RBM20: variants seen among roughly 807,000 people sequenced by gnomAD.
RBM20 encodes the protein RNA-binding protein 20.
Under a neutral mutation model 110.1 loss-of-function variants are expected in RBM20, and 51 were observed. The observed-to-expected ratio is 0.46, with a 90% CI of 0.37 to 0.59. The LOEUF is 0.59. Ranked by LOEUF, RBM20 falls within the 20% of genes least tolerant of loss-of-function variation. RBM20 has a pLI of 0.00. For missense variants in RBM20, 1,512 were observed against 1,574.9 expected (o/e 0.96, Z 0.68); for synonymous variants, 589 against 618.2 (o/e 0.95, Z 0.70).
At chr10:110,754,792 C>T (rs1044941603) in intron 1 of RBM20, among the ~76,000 whole-genome samples, 3 of 152,200 alleles carry the variant, frequency 2.0e-5, no homozygotes, top group Non-Finnish European at 2.9e-5. Context: ...ACTGAGTTTG[C>T]ATCTGAAGTG....
intron 5 of RBM20, among the ~76,000 whole-genome samples, chr10:110,786,639 A>T (rs1844422608): frequency 6.6e-6 from 1 of 152,262 alleles, no homozygotes; most frequent in Non-Finnish European, 1.5e-5. Context: ...GCTTCGGGTC[A>T]GTCCCAGGAG....
chr10:110,701,250 T>A (rs547226106), intron 1 of RBM20, among the ~76,000 whole-genome samples: 1 of 152,198 alleles, frequency 6.6e-6, no homozygotes, highest in Non-Finnish European at 1.5e-5. Flanking sequence ...GTGAAGAATT[T>A]TTTTTTTTCC....
rs114188829 is a variant in RBM20 at position 110,682,934 on chromosome 10, T to C, written c.191+38289T>C. On this transcript the variant is annotated intron_variant, in intron 1 of 13. Coordinates refer to ENST00000369519, the MANE Select transcript of RBM20 (RefSeq NM_001134363.3). ...CTTCTCCATTTATTATTTGGAATTC[T>C]TCTGTAAGGAAGAGCTGTTGTTCCT... is the stretch of plus-strand genomic sequence containing the variant. Among the ~76,000 whole-genome samples, 757 of 152,348 alleles carry C rather than the reference T, an allele frequency of 5.0e-3. 5 individuals carry two copies. Among genetic ancestry groups the C allele is most frequent in the African/African-American group, 0.017 (722 of 41,574 alleles).
intron 9 of RBM20, among the ~76,000 whole-genome samples, chr10:110,816,460 C>G (rs1844841912): frequency 6.6e-6 from 1 of 151,828 alleles, no homozygotes; most frequent in African/African-American, 2.4e-5. Context: ...TCCCCTCCCT[C>G]TCGTCACTGC....
chr10:110,687,096 C>A (rs1450070651), intron 1 of RBM20, among the ~76,000 whole-genome samples: 4 of 151,412 alleles, frequency 2.6e-5, no homozygotes, highest in Non-Finnish European at 4.4e-5. Flanking sequence ...CAGTGCTTTT[C>A]TAGTACTGTC....
chr10:110,827,893 T>C (rs1845002076), intron 12 of RBM20: 1 of 152,106 alleles, frequency 6.6e-6, no homozygotes, highest in Admixed American at 6.5e-5. Context: ...ATGGAAAGCA[T>C]AGAGCTGAAA....
intron 1 of RBM20, among the ~76,000 whole-genome samples, chr10:110,649,231 AT>A (rs1861912751): frequency 6.7e-6 from 1 of 149,534 alleles, no homozygotes; most frequent in Non-Finnish European, 1.5e-5. Flanking sequence ...TTTCCTTCTG[AT>A]TTATTTATTT....
intron 1 of RBM20, among the ~76,000 whole-genome samples, chr10:110,652,075 C>T (rs1317340034): frequency 6.6e-6 from 1 of 152,174 alleles, no homozygotes; most frequent in Non-Finnish European, 1.5e-5. Context: ...TTAGAAACCA[C>T]TTAAATGTTT....
chr10:110,674,705 A>G (rs1862312464), intron 1 of RBM20, among the ~76,000 whole-genome samples: 1 of 152,252 alleles, frequency 6.6e-6, no homozygotes, highest in African/African-American at 2.4e-5. Context: ...CTTCAAGATC[A>G]CATACAAGGT....
chr10:110,648,770 C>T (rs150202594), intron 1 of RBM20, among the ~76,000 whole-genome samples: 1 of 152,116 alleles, frequency 6.6e-6, no homozygotes, highest in African/African-American at 2.4e-5. Flanking sequence ...ATCTAGAAAG[C>T]TTTCCAAAGT....
chr10:110,657,662 C>G (rs1391960764), intron 1 of RBM20, among the ~76,000 whole-genome samples: 1 of 152,096 alleles, frequency 6.6e-6, no homozygotes, highest in Non-Finnish European at 1.5e-5. Flanking sequence ...AAACTTTGGG[C>G]CTTTTACTTT....
intron 12 of RBM20, among the ~76,000 whole-genome samples, chr10:110,825,980 T>G (rs10159788): frequency 0.017 from 2,533 of 152,356 alleles, 72 homozygotes; most frequent in African/African-American, 0.058. Flanking sequence ...TGTTCTCTGC[T>G]GCCTTTCAGA....
At chr10:110,685,736 G>C (rs1297522759) in intron 1 of RBM20, among the ~76,000 whole-genome samples, 1 of 151,562 alleles carries the variant, frequency 6.6e-6, no homozygotes, top group Non-Finnish European at 1.5e-5. Context: ...AATTGAGGTA[G>C]CCTTGGGCGG....
intron 1 of RBM20, among the ~76,000 whole-genome samples, chr10:110,719,845 C>T (rs1359294149): frequency 6.6e-6 from 1 of 152,176 alleles, no homozygotes; most frequent in Non-Finnish European, 1.5e-5. Context: ...CATTCCTCCT[C>T]CTTCTCCCAC....
chr10:110,682,540 G>T (rs1045391800), intron 1 of RBM20, among the ~76,000 whole-genome samples: 2 of 152,150 alleles, frequency 1.3e-5, no homozygotes, highest in African/African-American at 2.4e-5. Flanking sequence ...ACGGGCAAAG[G>T]TTCACATTTG....
intron 1 of RBM20, among the ~76,000 whole-genome samples, chr10:110,664,227 C>A (rs1232377622): frequency 6.6e-6 from 1 of 152,048 alleles, no homozygotes; most frequent in Non-Finnish European, 1.5e-5. Flanking sequence ...AATGTTGATT[C>A]CAGGCCTGGG....
At chr10:110,829,569 C>G (rs538700026) in intron 12 of RBM20, among the ~76,000 whole-genome samples, 1 of 152,310 alleles carries the variant, frequency 6.6e-6, no homozygotes, top group East Asian at 1.9e-4. Flanking sequence ...CCTCCCATCT[C>G]CCTCCCTCAG....
intron 7 of RBM20, among the ~76,000 whole-genome samples, chr10:110,807,687 C>G (rs556374985): frequency 2.0e-5 from 3 of 152,206 alleles, no homozygotes; most frequent in African/African-American, 7.2e-5. Context: ...CCTCCCACGT[C>G]GGTCTTTCCT....
intron 12 of RBM20, among the ~76,000 whole-genome samples, chr10:110,828,048 G>A (rs1845004424): frequency 6.6e-6 from 1 of 152,166 alleles, no homozygotes; most frequent in South Asian, 2.1e-4. Context: ...CCTGGCCAGC[G>A]CGAGCCTGCC....
Sources: gnomAD v4.1 joint callset for allele counts (sites outside exome capture counted in the v4.1 genomes callset) on GRCh38, gnomAD v4.1.1 for gene constraint, MANE v1.5 for transcripts, NCBI Gene and HGNC (gene_info 2026-07-23, HGNC 2026-07-21) for gene names.